The following GFRA2 variants were observed in gnomAD, a reference collection of about 807,000 sequenced individuals.
GFRA2 encodes GDNF family receptor alpha 2.
In GFRA2, 17 loss-of-function variants were observed where a neutral mutation model predicts 48.3. That is an observed-to-expected ratio of 0.35 (90% CI 0.24 to 0.53). The LOEUF (loss-of-function observed/expected upper bound fraction) is 0.53, where lower values mean the gene tolerates loss of function less well. Among genes scored for constraint, GFRA2 ranks in the 20% least tolerant of loss-of-function variants. The probability of loss-of-function intolerance (pLI) is 0.93; values close to 1 mark genes in which losing one functional copy is unlikely to be tolerated. For synonymous variants in GFRA2, 305 were observed against 257.2 expected (o/e 1.19, Z -1.78); for missense variants, 660 against 637.3 (o/e 1.04, Z -0.38).
In GFRA2 at chr8:21,716,309, A is replaced by AG. The variant is rs1803331775; in HGVS notation, c.795-10269_795-10268insC. On this transcript the variant is annotated intron_variant, in intron 4 of 8. Transcript: ENST00000524240. ...CTGCGCTCCAGCCTGGGAAACAAAG[A>AG]AAAAAAAAAAAAGACAGAAACATTC... Among the ~76,000 whole-genome samples the AG allele has an allele frequency of 1.7e-3, 21 of 12,216 alleles. No individual in the cohort carries two copies. The South Asian group carries it at 0.028, about 16-fold the overall frequency. The allele number at this position is 12,216 out of a possible 152,430, so 8.0% of individuals were successfully genotyped here.
At chr8:21,798,314 C>A (rs1807713785) in intron 2 of GFRA2, among the ~76,000 whole-genome samples, 2 of 152,114 alleles carry the variant, frequency 1.3e-5, no homozygotes, top group South Asian at 4.1e-4. Flanking sequence ...TAGCGCAATG[C>A]CCATGGTCAG....
At chr8:21,726,038 G>A (rs992970039) in intron 4 of GFRA2, among the ~76,000 whole-genome samples, 1 of 152,160 alleles carries the variant, frequency 6.6e-6, no homozygotes, top group African/African-American at 2.4e-5. Flanking sequence ...CCCTTACAAG[G>A]AGGCAGCCCC....
chr8:21,697,625 C>T (rs1802273977), intron 7 of GFRA2, among the ~76,000 whole-genome samples: 1 of 152,172 alleles, frequency 6.6e-6, no homozygotes, highest in African/African-American at 2.4e-5. Flanking sequence ...GGCTCATACT[C>T]TAATAGAGAA....
intron 1 of GFRA2, chr8:21,783,169 G>A: frequency 1.6e-6 from 1 of 624,744 alleles, no homozygotes; most frequent in South Asian, 1.5e-5. Flanking sequence ...ATAAAGCCAG[G>A]AAGGTCCCGG....
At chr8:21,696,223 C>T (rs1294574027) in intron 7 of GFRA2, among the ~76,000 whole-genome samples, 6 of 150,414 alleles carry the variant, frequency 4.0e-5, no homozygotes, top group African/African-American at 1.5e-4. Flanking sequence ...TCCTCTGTCC[C>T]CTCCCCTTTC....
chr8:21,706,761 G>A (rs1802769335), intron 4 of GFRA2, among the ~76,000 whole-genome samples: 2 of 152,174 alleles, frequency 1.3e-5, no homozygotes, highest in African/African-American at 4.8e-5. Flanking sequence ...AACTCCTTGT[G>A]CACAGCTCTA....
rs540673864 is a variant in GFRA2, at chr8:21,693,251, A to G, written c.*27T>C. On this transcript the variant is annotated 3_prime_UTR_variant, in exon 9 of 9. Coordinates refer to ENST00000524240, the MANE Select transcript of GFRA2 (RefSeq NM_001495.5). ...GCTGTTCTTGTCTGCGTAGCTTTCA[A>G]AAATATTCTGACTCGGTTCCCACAG... 1.2e-5 allele frequency: 19 copies of G among 1,596,370 alleles called. No homozygotes were observed. The highest frequency in any genetic ancestry group is 4.0e-5 in the African/African-American group (3 of 74,498).
chr8:21,769,592 C>T (rs1404533327), intron 3 of GFRA2, among the ~76,000 whole-genome samples: 6 of 152,152 alleles, frequency 3.9e-5, no homozygotes, highest in Admixed American at 2.0e-4. Flanking sequence ...GAGGACTAGC[C>T]GGCCTCAAAG....
intron 2 of GFRA2, among the ~76,000 whole-genome samples, chr8:21,803,544 C>T (rs1413287421): frequency 2.0e-5 from 3 of 152,318 alleles, no homozygotes; most frequent in African/African-American, 7.2e-5. Flanking sequence ...TACAAAGTGA[C>T]TGGCAATGGC....
At chr8:21,733,847 G>C (rs1804319327) in intron 4 of GFRA2, among the ~76,000 whole-genome samples, 1 of 152,150 alleles carries the variant, frequency 6.6e-6, no homozygotes, top group Admixed American at 6.5e-5. Flanking sequence ...GTCTGGCAGA[G>C]ACTCCTCCGC....
At chr8:21,738,603 G>T (rs546630842) in intron 4 of GFRA2, among the ~76,000 whole-genome samples, 1 of 152,044 alleles carries the variant, frequency 6.6e-6, no homozygotes, top group Non-Finnish European at 1.5e-5. Context: ...CAGAGTCCAC[G>T]GCTTTGTGAG....
chr8:21,782,279 A>AC, intron 2 of GFRA2, among the ~76,000 whole-genome samples: 1 of 104,762 alleles, frequency 9.5e-6, no homozygotes, highest in African/African-American at 3.7e-5. Context: ...ACCCCTGCTC[A>AC]CCTCCCCCAC....
chr8:21,741,004 T>G (rs1044742048), intron 4 of GFRA2, among the ~76,000 whole-genome samples: 10 of 152,328 alleles, frequency 6.6e-5, no homozygotes, highest in African/African-American at 2.2e-4. Context: ...TCTGATCCAG[T>G]TATTCTAAAA....
intron 6 of GFRA2, 87 bp from the exon 7 acceptor site, chr8:21,703,064 C>T (rs1802564174): frequency 1.2e-6 from 1 of 806,942 alleles, no homozygotes; most frequent in Non-Finnish European, 1.9e-6. Context: ...TCACCCTGAC[C>T]ACCCCCTTCC....
chr8:21,787,741 T>A (rs1807353220), intron 1 of GFRA2, among the ~76,000 whole-genome samples: 1 of 151,984 alleles, frequency 6.6e-6, no homozygotes, highest in African/African-American at 2.4e-5. Context: ...TCTCTCTCCC[T>A]CCCTTCTTGC....
At chr8:21,751,916 G>A (rs1563247285) in intron 3 of GFRA2, among the ~76,000 whole-genome samples, 1 of 152,172 alleles carries the variant, frequency 6.6e-6, no homozygotes, top group Admixed American at 6.5e-5. Context: ...AAAACCAAGA[G>A]GAGAACAGCA....
intron 4 of GFRA2, among the ~76,000 whole-genome samples, chr8:21,715,779 T>C (rs1803301475): frequency 6.6e-6 from 1 of 152,130 alleles, no homozygotes; most frequent in South Asian, 2.1e-4. Context: ...GGTTCTAAGA[T>C]ACAACAGATG....
intron 2 of GFRA2, among the ~76,000 whole-genome samples, chr8:21,795,624 C>T (rs1314437191): frequency 6.6e-6 from 1 of 152,188 alleles, no homozygotes; most frequent in African/African-American, 2.4e-5. Flanking sequence ...AACTCTCAGC[C>T]TCAGGTGATC....
At chr8:21,755,892 G>T (rs1202115516) in intron 3 of GFRA2, among the ~76,000 whole-genome samples, 1 of 152,256 alleles carries the variant, frequency 6.6e-6, no homozygotes, top group African/African-American at 2.4e-5. Context: ...AAACCATTCT[G>T]CCCAGGACAG....
Sources: gnomAD v4.1 joint callset for allele counts (sites outside exome capture counted in the v4.1 genomes callset) on GRCh38, gnomAD v4.1.1 for gene constraint, MANE v1.5 for transcripts, NCBI Gene and HGNC (gene_info 2026-07-23, HGNC 2026-07-21) for gene names.